The following MICAL2 variants were observed in gnomAD, a reference collection of about 807,000 sequenced individuals.
MICAL2 encodes the protein [F-actin]-monooxygenase MICAL2.
A neutral mutation model predicts 127.3 loss-of-function variants in MICAL2; 77 were observed. The observed-to-expected ratio is 0.60, with a 90% CI of 0.50 to 0.73. The LOEUF is 0.73. MICAL2 is among the 30% of genes least tolerant of loss of function. The pLI is 0.00. For missense variants in MICAL2, 1,351 were observed against 1,434.4 expected (o/e 0.94, Z 0.94); for synonymous variants, 570 against 551.1 (o/e 1.03, Z -0.48).
chr11:12,338,713 A>C (rs1938809531), intron 32 of MICAL2, among the ~76,000 whole-genome samples: 1 of 152,148 alleles, frequency 6.6e-6, no homozygotes, highest in African/African-American at 2.4e-5. Context: ...TTCACTTATG[A>C]AGCTTAGTTT....
chr11:12,360,992 A>G (rs951747178), downstream of MICAL2, among the ~76,000 whole-genome samples: 2 of 152,234 alleles, frequency 1.3e-5, no homozygotes, highest in Non-Finnish European at 2.9e-5. Context: ...AATGTAAAAT[A>G]CTATACATTT....
intron 3 of MICAL2, among the ~76,000 whole-genome samples, chr11:12,167,591 G>A (rs1172789433): frequency 6.6e-6 from 1 of 152,130 alleles, no homozygotes; most frequent in African/African-American, 2.4e-5. Flanking sequence ...ACACTTCAAG[G>A]GCCACTTTGC....
intron 2 of MICAL2, among the ~76,000 whole-genome samples, chr11:12,156,466 G>A (rs1285485980): frequency 6.6e-6 from 1 of 152,192 alleles, no homozygotes; most frequent in Non-Finnish European, 1.5e-5. Flanking sequence ...CAAGGGTGGA[G>A]CAGGCAGCCC....
chr11:12,228,100 A>G (rs1273360959), intron 15 of MICAL2, among the ~76,000 whole-genome samples: 1 of 152,226 alleles, frequency 6.6e-6, no homozygotes, highest in Admixed American at 6.5e-5. Flanking sequence ...AGGCCAAGGC[A>G]GGCAGATCAC....
At chr11:12,168,184 A>G (rs926246267) in intron 3 of MICAL2, among the ~76,000 whole-genome samples, 3 of 143,666 alleles carry the variant, frequency 2.1e-5, no homozygotes, top group Non-Finnish European at 3.1e-5. Flanking sequence ...GCACACATAC[A>G]CCATACATAC....
At chr11:12,224,248 C>T (rs1423517846) in intron 12 of MICAL2, among the ~76,000 whole-genome samples, 9 of 152,212 alleles carry the variant, frequency 5.9e-5, no homozygotes, top group South Asian at 2.1e-4. Context: ...CAAGCTCAAA[C>T]GTACCTCCCC....
At chr11:12,281,064 C>T in exon 2 of MICAL2, 1 of 398,994 alleles carries the variant, frequency 2.5e-6, no homozygotes, top group Non-Finnish European at 4.4e-6. Context: ...AGGGCAGTCT[C>T]TCCACAGTGC....
At chr11:12,293,960 G>A (rs752587431), downstream of MICAL2, 112 of 1,613,818 alleles carry the variant, frequency 6.9e-5, no homozygotes, top group Non-Finnish European at 9.1e-5. Flanking sequence ...GGAGAAGTTG[G>A]GCCTGAAGAA....
intron 2 of MICAL2, among the ~76,000 whole-genome samples, chr11:12,141,371 T>C (rs1852334663): frequency 6.6e-6 from 1 of 152,184 alleles, no homozygotes; most frequent in African/African-American, 2.4e-5. Context: ...TCTGTGGTCC[T>C]GGTCCTCAGT....
chr11:12,149,611 G>C (rs1457229339), intron 2 of MICAL2, among the ~76,000 whole-genome samples: 1 of 152,194 alleles, frequency 6.6e-6, no homozygotes, highest in Non-Finnish European at 1.5e-5. Flanking sequence ...GGCTCTGCAA[G>C]ATGAGGGAAA....
At chr11:12,209,022 T>A (rs1400373806) in intron 5 of MICAL2, among the ~76,000 whole-genome samples, 1 of 150,974 alleles carries the variant, frequency 6.6e-6, no homozygotes, top group Non-Finnish European at 1.5e-5. Context: ...TTCACCTGAT[T>A]TTTTTTTTTA....
At chr11:12,272,521 T>C (rs1033413166), upstream of MICAL2, among the ~76,000 whole-genome samples, 2 of 152,148 alleles carry the variant, frequency 1.3e-5, no homozygotes, top group African/African-American at 2.4e-5. Flanking sequence ...CAGCATCTAT[T>C]GGAAATACAA....
chr11:12,283,648 G>A (rs974937227), intron 2 of MICAL2, among the ~76,000 whole-genome samples: 1 of 152,200 alleles, frequency 6.6e-6, no homozygotes, highest in African/African-American at 2.4e-5. Flanking sequence ...GGTGATGGCT[G>A]CACAGCAGGG....
chr11:12,216,315 T>C lies in MICAL2; in HGVS notation c.944T>C (p.Ile315Thr). 1 of 1,612,998 alleles carries C rather than the reference T, an allele frequency of 6.2e-7. No homozygotes were observed. The highest frequency in any genetic ancestry group is 8.5e-7 in the Non-Finnish European group (1 of 1,179,066). Reference sequence around the variant, plus strand: ...AGCCTGCTCGACAAAGGTGTCATCATTAACGTACGTACCTCTTGGCTGCGA... The same window carrying C: ...AGCCTGCTCGACAAAGGTGTCATCACTAACGTACGTACCTCTTGGCTGCGA... Reference protein sequence around the residue: ...KQSLLDKGVIINDYIDTEMLL... With the variant: ...KQSLLDKGVITNDYIDTEMLL... Residue 315 changes from isoleucine (I) to threonine (T), a missense_variant, in exon 8 of 28, where the codon ATT becomes ACT. This residue lies in a region of MICAL2 where 599 missense variants were observed against 714.9 expected (regional missense o/e 0.84). Transcript: ENST00000683283.
chr11:12,324,627 C>T (rs953874941), intron 31 of MICAL2, among the ~76,000 whole-genome samples: 1 of 152,212 alleles, frequency 6.6e-6, no homozygotes, highest in Admixed American at 6.5e-5. Context: ...GCATCCTCCA[C>T]CTCTCTGAGG....
chr11:12,131,886 G>A (rs938841749), intron 1 of MICAL2, among the ~76,000 whole-genome samples: 1 of 152,212 alleles, frequency 6.6e-6, no homozygotes, highest in Non-Finnish European at 1.5e-5. Flanking sequence ...TCCATGCAAA[G>A]CACTTTGCAC....
At chr11:12,124,885 T>C (rs2133498382) in intron 1 of MICAL2, among the ~76,000 whole-genome samples, 1 of 152,376 alleles carries the variant, frequency 6.6e-6, no homozygotes, top group Non-Finnish European at 1.5e-5. Context: ...GGTCTTTTGC[T>C]AATTTCACAG....
chr11:12,326,607 C>T (rs1864355415), intron 31 of MICAL2, among the ~76,000 whole-genome samples: 1 of 152,116 alleles, frequency 6.6e-6, no homozygotes, highest in African/African-American at 2.4e-5. Flanking sequence ...GGCATCTGCC[C>T]ATGGTGCAAT....
At chr11:12,351,981 T>C (rs1219271914) in intron 33 of MICAL2, among the ~76,000 whole-genome samples, 5 of 151,906 alleles carry the variant, frequency 3.3e-5, no homozygotes, top group African/African-American at 1.2e-4. Context: ...AGAGACAGGG[T>C]TTCACCGTGT....
Sources: allele counts gnomAD v4.1 joint callset (sites outside exome capture counted in the v4.1 genomes callset), GRCh38; gene constraint gnomAD v4.1.1; regional missense constraint gnomAD v4.1.1; transcripts MANE v1.5; gene names NCBI Gene and HGNC (gene_info 2026-07-23, HGNC 2026-07-21).